Variants in EXT1 observed in about 807,000 individuals in gnomAD.
EXT1 encodes the protein exostosin glycosyltransferase 1, also known as exostosin-1.
EXT1 carries 20 observed loss-of-function variants against 82.5 expected under a neutral mutation model. The observed-to-expected ratio is 0.24, with a 90% CI of 0.17 to 0.35. The LOEUF is 0.35. Among genes scored for constraint, EXT1 ranks in the 10% least tolerant of loss-of-function variants. The pLI is 1.00. For missense variants in EXT1, 757 were observed against 936.5 expected (o/e 0.81, Z 2.50); for synonymous variants, 348 against 350.8 (o/e 0.99, Z 0.09).
chr8:118,032,371 A>G (rs1816341443), intron 1 of EXT1, among the ~76,000 whole-genome samples: 1 of 151,830 alleles, frequency 6.6e-6, no homozygotes, highest in Non-Finnish European at 1.5e-5. Context: ...GGGGATTCCG[A>G]GGCATTTGAG....
At chr8:117,973,982 G>GAAGGAAGGAAGT (rs1815015915) in intron 1 of EXT1, among the ~76,000 whole-genome samples, 1 of 150,354 alleles carries the variant, frequency 6.7e-6, no homozygotes, top group Non-Finnish European at 1.5e-5. Flanking sequence ...AGGAAGGAAG[G>GAAGGAAGGAAGT]AAGGAAATAA....
At chr8:117,851,453 G>A (rs2129830844) in intron 1 of EXT1, among the ~76,000 whole-genome samples, 1 of 150,588 alleles carries the variant, frequency 6.6e-6, no homozygotes, top group South Asian at 2.1e-4. Context: ...TTCCACAGAA[G>A]TGCTTAAGCT....
intron 1 of EXT1, among the ~76,000 whole-genome samples, chr8:117,899,035 G>GA (rs1813395167): frequency 6.6e-6 from 1 of 151,848 alleles, no homozygotes; most frequent in Admixed American, 6.6e-5. Flanking sequence ...ACTTCCAAAA[G>GA]AAAAAAATAA....
chr8:117,809,115 T>C lies in EXT1; in HGVS notation c.1723-1738A>G, dbSNP rs1055640966. Among the ~76,000 whole-genome samples, 5 of 151,216 alleles carry C rather than the reference T, an allele frequency of 3.3e-5. No individual in the cohort carries two copies. The East Asian group carries it at 7.8e-4, about 24-fold the overall frequency. Reference sequence around the variant, plus strand: ...TCATGGGATTTCTCAGCCCCCAGGATTATGTGAGCCAATTACTCATAATAA... The same window carrying C: ...TCATGGGATTTCTCAGCCCCCAGGACTATGTGAGCCAATTACTCATAATAA... On this transcript the variant is annotated intron_variant, in intron 8 of 10. Coordinates refer to ENST00000378204, the MANE Select transcript of EXT1 (RefSeq NM_000127.3).
At chr8:117,990,138 A>C (rs770196649) in intron 1 of EXT1, among the ~76,000 whole-genome samples, 30 of 152,016 alleles carry the variant, frequency 2.0e-4, no homozygotes, top group Non-Finnish European at 4.1e-4. Context: ...GCACCACTGC[A>C]CTCCAGCCTA....
chr8:118,077,440 G>C (rs918027834), intron 1 of EXT1, among the ~76,000 whole-genome samples: 6 of 152,130 alleles, frequency 3.9e-5, no homozygotes, highest in South Asian at 2.1e-4. Flanking sequence ...CACTTCTATA[G>C]CAAAAATACT....
chr8:117,827,311 A>AC (rs1812023190), intron 4 of EXT1, among the ~76,000 whole-genome samples: 1 of 152,248 alleles, frequency 6.6e-6, no homozygotes, highest in Admixed American at 6.5e-5. Context: ...ATAGTTATCT[A>AC]TAAAAAATAA....
intron 1 of EXT1, among the ~76,000 whole-genome samples, chr8:117,906,865 TACTCCACCCC>T (rs1813552849): frequency 6.6e-6 from 1 of 152,160 alleles, no homozygotes; most frequent in Non-Finnish European, 1.5e-5. Flanking sequence ...ATACAGGTCT[TACTCCACCCC>T]ACAAACCCCA....
At chr8:118,086,006 C>T (rs1244881932) in intron 1 of EXT1, among the ~76,000 whole-genome samples, 2 of 152,178 alleles carry the variant, frequency 1.3e-5, no homozygotes, top group African/African-American at 4.8e-5. Flanking sequence ...GAATATACAG[C>T]TCATCTGGCC....
intron 1 of EXT1, among the ~76,000 whole-genome samples, chr8:117,985,976 T>C (rs780687157): frequency 9.9e-5 from 15 of 152,202 alleles, no homozygotes; most frequent in Non-Finnish European, 1.9e-4. Flanking sequence ...ATTTCACTGA[T>C]TTTGGACTGG....
At chr8:118,036,663 C>G (rs1816423928) in intron 1 of EXT1, among the ~76,000 whole-genome samples, 1 of 152,040 alleles carries the variant, frequency 6.6e-6, no homozygotes, top group South Asian at 2.1e-4. Flanking sequence ...TCAGTAAAGA[C>G]AAAAAATGTA....
chr8:118,037,343 C>G (rs145867499), intron 1 of EXT1, among the ~76,000 whole-genome samples: 6 of 151,906 alleles, frequency 3.9e-5, no homozygotes, highest in African/African-American at 1.4e-4. Context: ...CAATGTCTGC[C>G]CTCGAGTACC....
intron 1 of EXT1, among the ~76,000 whole-genome samples, chr8:117,859,317 A>C (rs1211469367): frequency 6.6e-6 from 1 of 152,244 alleles, no homozygotes; most frequent in African/African-American, 2.4e-5. Context: ...TGGGAGGCTA[A>C]GTGGAGACTG....
chr8:118,107,667 C>T (rs898368984), intron 1 of EXT1, among the ~76,000 whole-genome samples: 4 of 152,146 alleles, frequency 2.6e-5, no homozygotes, highest in African/African-American at 4.8e-5. Flanking sequence ...TAGCGTATCT[C>T]CAAATTTGAG....
rs527633104 is a variant in EXT1 at position 117,984,218 on chromosome 8, A to C, written c.962+125867T>G. Among the ~76,000 whole-genome samples the C allele has an allele frequency of 4.6e-5, 7 of 152,354 alleles. No individual in the cohort carries two copies. In the East Asian group the frequency reaches 1.3e-3, roughly 29 times the overall value. ...TGGATGACCTGAGGTCAGAAGCTCC[A>C]GACCAGCCTGGCGAATATGGCAAAA... On this transcript the variant is annotated intron_variant, in intron 1 of 10. Coordinates refer to ENST00000378204, the MANE Select transcript of EXT1 (RefSeq NM_000127.3).
At chr8:117,880,243 G>T (rs1312185679) in intron 1 of EXT1, among the ~76,000 whole-genome samples, 2 of 152,224 alleles carry the variant, frequency 1.3e-5, no homozygotes, top group Non-Finnish European at 2.9e-5. Flanking sequence ...CAAGCAACAT[G>T]CCAAGCTACC....
intron 1 of EXT1, among the ~76,000 whole-genome samples, chr8:117,916,462 C>T (rs1309112773): frequency 6.6e-6 from 1 of 152,122 alleles, no homozygotes; most frequent in African/African-American, 2.4e-5. Context: ...ATTTATAGTT[C>T]TCAGGATATA....
At chr8:117,932,072 G>A (rs142516375) in intron 1 of EXT1, among the ~76,000 whole-genome samples, 1,598 of 152,204 alleles carry the variant, frequency 0.01, 28 homozygotes, top group African/African-American at 0.034. Flanking sequence ...ATTTCAATTC[G>A]AAATTACGTA....
chr8:118,037,934 G>A (rs910562118), intron 1 of EXT1, among the ~76,000 whole-genome samples: 1 of 139,888 alleles, frequency 7.1e-6, no homozygotes, highest in Non-Finnish European at 1.5e-5. Context: ...TCCGCCTCCC[G>A]AGTTCAAGTG....
Sources: gnomAD v4.1 joint callset for allele counts (sites outside exome capture counted in the v4.1 genomes callset) on GRCh38, gnomAD v4.1.1 for gene constraint, MANE v1.5 for transcripts, NCBI Gene and HGNC (gene_info 2026-07-23, HGNC 2026-07-21) for gene names.